LINGO1: variants seen among roughly 807,000 people sequenced by gnomAD.
LINGO1 encodes the protein leucine-rich repeat and immunoglobulin-like domain-containing nogo receptor-interacting protein 1.
A neutral mutation model predicts 37.3 loss-of-function variants in LINGO1; 11 were observed. That is an observed-to-expected ratio of 0.29 (90% CI 0.19 to 0.49). The LOEUF is 0.49. LINGO1 is among the 20% of genes least tolerant of loss of function. The pLI is 0.99. For missense variants in LINGO1, 585 were observed against 878.2 expected (o/e 0.67, Z 4.22); for synonymous variants, 387 against 403.0 (o/e 0.96, Z 0.48).
chr15:77,660,180 C>G (rs2074957911), intron 3 of LINGO1: 1 of 152,192 alleles, frequency 6.6e-6, no homozygotes, highest in Non-Finnish European at 1.5e-5. Context: ...GTTTGAGGCT[C>G]ATGGTAAATA....
chr15:77,647,902 G>A (rs1192121023), intron 3 of LINGO1: 4 of 456,528 alleles, frequency 8.8e-6, no homozygotes, highest in East Asian at 6.9e-5. Flanking sequence ...TTCTGGCTAC[G>A]TTGCACATTC....
intron 1 of LINGO1, among the ~76,000 whole-genome samples, chr15:77,756,485 G>GACACACACACACACACAC (rs35031617): frequency 7.1e-6 from 1 of 140,708 alleles, no homozygotes; most frequent in Non-Finnish European, 1.5e-5. Context: ...CAGACAGACA[G>GACACACACACACACACAC]ACACACACAC....
chr15:77,637,810 C>T (rs983789951), upstream of LINGO1, among the ~76,000 whole-genome samples: 2 of 152,220 alleles, frequency 1.3e-5, no homozygotes, highest in African/African-American at 4.8e-5. The surrounding 1 kb of genome is among the most constrained non-coding windows in gnomAD (Gnocchi z 4.6). Flanking sequence ...ATCTTGTCTC[C>T]TCCAGTTTCC....
intron 1 of LINGO1, among the ~76,000 whole-genome samples, chr15:77,780,579 G>A (rs545956703): frequency 6.6e-6 from 1 of 152,196 alleles, no homozygotes; most frequent in East Asian, 1.9e-4. Flanking sequence ...ATCGTCAGAG[G>A]ACAGGAGTGC....
chr15:77,750,639 G>A (rs114263547), intron 1 of LINGO1, among the ~76,000 whole-genome samples: 4,199 of 152,278 alleles, frequency 0.028, 185 homozygotes, highest in African/African-American at 0.095. Flanking sequence ...CCAACAATAC[G>A]GCTTTTACCA....
chr15:77,623,795 G>A (rs1444666187), intron 1 of LINGO1, among the ~76,000 whole-genome samples: 3 of 151,932 alleles, frequency 2.0e-5, no homozygotes, highest in Non-Finnish European at 4.4e-5. Flanking sequence ...TCTTGCTCTC[G>A]GTTCTGGCAA....
chr15:77,770,321 CTCAAGCCTGTAA>C (rs1240282427), intron 1 of LINGO1, among the ~76,000 whole-genome samples: 1 of 152,180 alleles, frequency 6.6e-6, no homozygotes, highest in Non-Finnish European at 1.5e-5. Flanking sequence ...GGCGCGGTGG[CTCAAGCCTGTAA>C]TCCCAGCACT....
intron 1 of LINGO1, among the ~76,000 whole-genome samples, chr15:77,738,651 G>T (rs2076226139): frequency 6.6e-6 from 1 of 152,116 alleles, no homozygotes. Context: ...AACTCCATAA[G>T]GCAGGCAGGG....
Position 77,640,870 on chromosome 15 carries a change from C to A in LINGO1, c.-12-24970G>T, listed in dbSNP as rs77284203. 3.4e-3 allele frequency among the ~76,000 whole-genome samples: 488 copies of A among 145,350 alleles called. 7 individuals carry two copies. Among genetic ancestry groups the A allele is most frequent in the African/African-American group, 0.013 (466 of 36,816 alleles). On this transcript the variant is annotated intron_variant, in intron 3 of 3. Coordinates refer to the LINGO1 transcript ENST00000559893. Reference sequence around the variant, plus strand: ...CATTCATTCATTCATTCATCAAATGCCAAACATTTGCCACAGTTTTCTCTA... The same window carrying A: ...CATTCATTCATTCATTCATCAAATGACAAACATTTGCCACAGTTTTCTCTA...
At chr15:77,771,169 T>G (rs1161809738) in intron 1 of LINGO1, among the ~76,000 whole-genome samples, 1 of 152,232 alleles carries the variant, frequency 6.6e-6, no homozygotes, top group Non-Finnish European at 1.5e-5. Context: ...GACCTTCCCC[T>G]GGACCTCCAA....
At chr15:77,786,497 T>C (rs1375463194) in intron 1 of LINGO1, among the ~76,000 whole-genome samples, 1 of 152,202 alleles carries the variant, frequency 6.6e-6, no homozygotes, top group African/African-American at 2.4e-5. Flanking sequence ...TGCGTGGCTA[T>C]TTGACCTTTC....
chr15:77,691,088 T>C (rs1333125102), intron 1 of LINGO1, among the ~76,000 whole-genome samples: 1 of 152,242 alleles, frequency 6.6e-6, no homozygotes, highest in African/African-American at 2.4e-5. Flanking sequence ...GTCTCTGCAC[T>C]GTCCAATATG....
chr15:77,703,549 C>T (rs2075811909), intron 2 of LINGO1, among the ~76,000 whole-genome samples: 1 of 152,148 alleles, frequency 6.6e-6, no homozygotes, highest in South Asian at 2.1e-4. Context: ...GGAGGGGTGG[C>T]AATCTTCCCA....
Position 77,736,717 on chromosome 15 carries a change from C to T in LINGO1, c.-256-1664G>A, listed in dbSNP as rs540697785. The stretch of plus-strand genomic sequence containing the variant: ...TGAGCCCAGGAGGTGGAGGCTACAG[C>T]GAGCTATGATCGTGCCACTGCACTC... On this transcript the variant is annotated intron_variant, in intron 1 of 3. Transcript: ENST00000561686. Among the ~76,000 whole-genome samples, 12 of 152,162 alleles carry T rather than the reference C, an allele frequency of 7.9e-5. 1 individual carries two copies. The highest frequency in any genetic ancestry group is 2.4e-4 in the African/African-American group (10 of 41,478).
intron 1 of LINGO1, among the ~76,000 whole-genome samples, chr15:77,750,344 A>C (rs143599830): frequency 1.2e-4 from 18 of 152,382 alleles, no homozygotes; most frequent in African/African-American, 3.8e-4. Flanking sequence ...GCAGGATTAA[A>C]TATAAATAAC....
At chr15:77,664,843 T>C (rs1320146103) in intron 3 of LINGO1, among the ~76,000 whole-genome samples, 1 of 152,120 alleles carries the variant, frequency 6.6e-6, no homozygotes, top group Non-Finnish European at 1.5e-5. Context: ...TGTGTCCCTG[T>C]GGGGCTGCTG....
intron 3 of LINGO1, among the ~76,000 whole-genome samples, chr15:77,639,399 G>C (rs1197930445): frequency 6.6e-6 from 1 of 152,068 alleles, no homozygotes; most frequent in Non-Finnish European, 1.5e-5. Context: ...GGCAGGCAAA[G>C]TGTCTGCTCT....
At chr15:77,792,077 G>T (rs2076822694) in intron 2 of LINGO1, among the ~76,000 whole-genome samples, 1 of 152,088 alleles carries the variant, frequency 6.6e-6, no homozygotes. Context: ...TCCCGCAGCT[G>T]CAGGCTTACT....
chr15:77,718,416 G>A (rs969529727), intron 2 of LINGO1, among the ~76,000 whole-genome samples: 8 of 150,958 alleles, frequency 5.3e-5, no homozygotes, highest in African/African-American at 9.7e-5. Context: ...ATACACACAC[G>A]TGTCAACATG....
Sources: gnomAD v4.1 joint callset for allele counts (sites outside exome capture counted in the v4.1 genomes callset) on GRCh38, gnomAD v4.1.1 for gene constraint, Gnocchi (gnomAD v3.1) non-coding constraint, MANE v1.5 for transcripts, NCBI Gene and HGNC (gene_info 2026-07-23, HGNC 2026-07-21) for gene names.